The following DEPDC1B variants were observed in gnomAD, a reference collection of about 807,000 sequenced individuals.
DEPDC1B encodes DEP domain containing 1B, also known as DEP domain-containing protein 1B.
A neutral mutation model predicts 66.5 loss-of-function variants in DEPDC1B; 51 were observed. The observed-to-expected ratio is 0.77, with a 90% CI of 0.61 to 0.97. The LOEUF is 0.97. Among genes scored for constraint, DEPDC1B ranks in the 50% least tolerant of loss-of-function variants. The pLI is 0.00. For missense variants in DEPDC1B, 552 were observed against 637.1 expected, an observed-to-expected ratio of 0.87 and a Z score of 1.44; for synonymous variants, 226 against 223.6, an observed-to-expected ratio of 1.01 and a Z score of -0.10.
chr5:60,632,299 A>C (rs1468117798), intron 7 of DEPDC1B, among the ~76,000 whole-genome samples: 3 of 151,960 alleles, frequency 2.0e-5, no homozygotes, highest in African/African-American at 7.2e-5. Context: ...CTCACCCCAA[A>C]TCGGCTGCCA....
chr5:60,662,844 T>G (rs1291722517), intron 2 of DEPDC1B, among the ~76,000 whole-genome samples: 1 of 152,082 alleles, frequency 6.6e-6, no homozygotes. Context: ...CCAGGTATGC[T>G]TGACCATTGA....
intron 7 of DEPDC1B, among the ~76,000 whole-genome samples, chr5:60,631,879 A>C (rs1385279744): frequency 1.3e-5 from 2 of 152,118 alleles, no homozygotes; most frequent in Non-Finnish European, 2.9e-5. Context: ...TGGCTGTCCT[A>C]AGTTAATAAG....
chr5:60,626,030 T>C (rs775435955), intron 7 of DEPDC1B, among the ~76,000 whole-genome samples: 1 of 152,188 alleles, frequency 6.6e-6, no homozygotes, highest in Non-Finnish European at 1.5e-5. Context: ...TTTTAAAGTA[T>C]ATGATTCTAG....
At chr5:60,642,101 A>G (rs1285100947) in intron 6 of DEPDC1B, among the ~76,000 whole-genome samples, 3 of 152,210 alleles carry the variant, frequency 2.0e-5, no homozygotes, top group Admixed American at 2.0e-4. Flanking sequence ...TCACGAATTT[A>G]AAGGGAATTT....
At chr5:60,616,196 ACAGAG>A (rs1321656059) in intron 7 of DEPDC1B, among the ~76,000 whole-genome samples, 2 of 152,208 alleles carry the variant, frequency 1.3e-5, no homozygotes, top group African/African-American at 4.8e-5. Flanking sequence ...TGGGGGAAAA[ACAGAG>A]CAGAAAAACT....
At chr5:60,619,734 A>C (rs1475969007) in intron 7 of DEPDC1B, among the ~76,000 whole-genome samples, 1 of 152,222 alleles carries the variant, frequency 6.6e-6, no homozygotes, top group Non-Finnish European at 1.5e-5. Context: ...TTATAGATTC[A>C]ATGCCATCCC....
At chr5:60,627,751 C>A (rs1160437776) in intron 7 of DEPDC1B, among the ~76,000 whole-genome samples, 1 of 152,112 alleles carries the variant, frequency 6.6e-6, no homozygotes, top group Non-Finnish European at 1.5e-5. Context: ...TGGATATCAA[C>A]ATATGATTAT....
intron 2 of DEPDC1B, 187 bp from the exon 3 acceptor site, chr5:60,647,720 T>C (rs1753355723): frequency 6.4e-6 from 3 of 468,158 alleles, no homozygotes; most frequent in Non-Finnish European, 1.0e-5. Flanking sequence ...AGAAAGGTGA[T>C]TGAATACATA....
chr5:60,627,522 C>CT (rs1314703665), intron 7 of DEPDC1B, among the ~76,000 whole-genome samples: 1 of 151,502 alleles, frequency 6.6e-6, no homozygotes, highest in Non-Finnish European at 1.5e-5. Flanking sequence ...GCTAGAATAA[C>CT]TTTTTCACCT....
chr5:60,617,128 C>A (rs998528916), intron 7 of DEPDC1B, among the ~76,000 whole-genome samples: 7 of 152,114 alleles, frequency 4.6e-5, no homozygotes, highest in African/African-American at 1.7e-4. Flanking sequence ...AAAAGAGCTC[C>A]TGAAGGAAGC....
At position 60,667,970 on chromosome 5, in the gene DEPDC1B, TTTATATATATAAAATGGATA is replaced by T. The variant is rs1357793040; in HGVS notation, c.314+18972_314+18991del. ...GATATTTTATATATATAATGGATATTTTATATATATAAAATGGATATTATATATATAAAATGGATATTTTA... is the reference window on the plus strand; with the variant it reads ...GATATTTTATATATATAATGGATATTTTATATATATAAAATGGATATTTTA... On this transcript the variant is annotated intron_variant, in intron 2 of 10. Transcript: ENST00000265036. 5.6e-4 allele frequency among the ~76,000 whole-genome samples: 68 copies of T among 121,032 alleles called. 1 individual carries two copies. The highest frequency in any genetic ancestry group is 1.3e-3 in the South Asian group (5 of 3,726). 79.4% of individuals were successfully genotyped at this position (121,032 alleles called of 152,430 possible). A position where few individuals can be genotyped will look rare whatever the true frequency, so the allele number is the denominator to read the frequency against.
In DEPDC1B at chr5:60,647,487, T is replaced by C; in HGVS notation, c.361A>G (p.Asn121Asp). ...PLKPYPKKPPNQKDVIKFPEW... is the reference protein window; with the variant it reads ...PLKPYPKKPPDQKDVIKFPEW... The stretch of plus-strand genomic sequence containing the variant: ...GGAAATTTAATAACATCCTTTTGGT[T>C]TGGGGGCTTCTTTGGATATGGTTTC... The change falls in exon 3 of 11, where the codon AAC becomes GAC. Residue 121 changes from asparagine to aspartate, a missense_variant. Asn to Asp is a conservative substitution (Grantham distance 23, BLOSUM62 1). Transcript: ENST00000265036. 2.5e-6 allele frequency: 4 copies of C among 1,612,478 alleles called. No individual in the cohort carries two copies. Among genetic ancestry groups the C allele is most frequent in the Non-Finnish European group, 3.4e-6 (4 of 1,179,422 alleles).
intron 6 of DEPDC1B, 73 bp from the exon 7 acceptor site, chr5:60,638,963 T>C: frequency 6.5e-7 from 1 of 1,527,408 alleles, no homozygotes; most frequent in South Asian, 1.3e-5. Context: ...TCTGTGAATA[T>C]GTGTGGCGTG....
intron 7 of DEPDC1B, among the ~76,000 whole-genome samples, chr5:60,619,519 C>T (rs377209284): frequency 2.8e-4 from 42 of 152,010 alleles, no homozygotes; most frequent in Admixed American, 5.9e-4. Context: ...AGCCAAATCA[C>T]GAGTGAACTC....
At chr5:60,638,629 C>T in intron 7 of DEPDC1B, 121 bp downstream of exon 7, 1 of 1,016,154 alleles carries the variant, frequency 9.8e-7, no homozygotes, top group South Asian at 1.9e-5. Context: ...ATGCCAAATA[C>T]TCTATCAGTT....
At chr5:60,670,342 C>A (rs1211269252) in intron 2 of DEPDC1B, among the ~76,000 whole-genome samples, 1 of 152,066 alleles carries the variant, frequency 6.6e-6, no homozygotes, top group Non-Finnish European at 1.5e-5. Context: ...CCACTGCACT[C>A]CAGCCTAGGC....
At chr5:60,619,711 T>C (rs1433848566) in intron 7 of DEPDC1B, among the ~76,000 whole-genome samples, 2 of 152,212 alleles carry the variant, frequency 1.3e-5, no homozygotes, top group Non-Finnish European at 2.9e-5. Flanking sequence ...ATGGCCATAC[T>C]GCCCAAGGTA....
chr5:60,635,157 CCT>C (rs1393324190), intron 7 of DEPDC1B, among the ~76,000 whole-genome samples: 2 of 151,748 alleles, frequency 1.3e-5, no homozygotes, highest in African/African-American at 2.4e-5. Context: ...GGGCAAAAGC[CCT>C]CTGTCTGGTC....
At chr5:60,675,934 T>TTTTTTGTTTTTTTG (rs1164908252) in intron 2 of DEPDC1B, among the ~76,000 whole-genome samples, 95 of 151,440 alleles carry the variant, frequency 6.3e-4, no homozygotes, top group Non-Finnish European at 1.2e-3. Context: ...TGTTTTTTTG[T>TTTTTTGTTTTTTTG]TTTTTGTTTT....
Sources: allele counts gnomAD v4.1 joint callset (sites outside exome capture counted in the v4.1 genomes callset), GRCh38; gene constraint gnomAD v4.1.1; transcripts MANE v1.5; gene names NCBI Gene and HGNC (gene_info 2026-07-23, HGNC 2026-07-21).